The following ADGRL3 variants were observed in gnomAD, a reference collection of about 807,000 sequenced individuals.
The protein encoded by ADGRL3 is calcium-independent alpha-latrotoxin receptor 3.
A neutral mutation model predicts 153.5 loss-of-function variants in ADGRL3; 62 were observed. The observed-to-expected ratio is 0.40, with a 90% confidence interval of 0.33 to 0.50. The LOEUF is 0.50. Ranked by LOEUF, ADGRL3 falls within the 20% of genes least tolerant of loss-of-function variation. The pLI is 0.47. For missense variants in ADGRL3, 1,641 were observed against 1,859.4 expected, an observed-to-expected ratio of 0.88 and a Z score of 2.16; for synonymous variants, 710 against 672.5, an observed-to-expected ratio of 1.06 and a Z score of -0.86.
chr4:62,037,343 C>T (rs1560536894), intron 23 of ADGRL3, among the ~76,000 whole-genome samples: 2 of 152,004 alleles, frequency 1.3e-5, no homozygotes, highest in African/African-American at 4.8e-5. Context: ...AGGCTTCTAC[C>T]TAAAGAACAA....
At chr4:61,560,602 C>T (rs1343584897) in intron 4 of ADGRL3, among the ~76,000 whole-genome samples, 1 of 152,052 alleles carries the variant, frequency 6.6e-6, no homozygotes, top group Admixed American at 6.6e-5. Flanking sequence ...CACAGTCCTA[C>T]TACATCTGCC....
intron 1 of ADGRL3, among the ~76,000 whole-genome samples, chr4:61,369,618 T>C (rs1318350502): frequency 6.6e-6 from 1 of 152,204 alleles, no homozygotes; most frequent in Non-Finnish European, 1.5e-5. Flanking sequence ...GATGTGCTGC[T>C]GGATTCGGTT....
intron 1 of ADGRL3, among the ~76,000 whole-genome samples, chr4:61,335,604 C>T (rs1286537093): frequency 2.0e-5 from 3 of 151,906 alleles, no homozygotes; most frequent in African/African-American, 7.3e-5. Context: ...TTAGCCAGCA[C>T]AAAAAGGGAG....
At chr4:62,015,061 A>G (rs1560508349) in intron 21 of ADGRL3, among the ~76,000 whole-genome samples, 1 of 152,234 alleles carries the variant, frequency 6.6e-6, no homozygotes, top group Non-Finnish European at 1.5e-5. Context: ...AAAAGACTGT[A>G]TTAAATCATT....
chr4:61,494,495 G>T (rs1307124546), intron 2 of ADGRL3, among the ~76,000 whole-genome samples: 1 of 152,074 alleles, frequency 6.6e-6, no homozygotes, highest in Non-Finnish European at 1.5e-5. Context: ...GTTATTTTGT[G>T]CATGTTAAAT....
At chr4:61,406,295 T>C (rs2096995097) in intron 2 of ADGRL3, among the ~76,000 whole-genome samples, 1 of 151,976 alleles carries the variant, frequency 6.6e-6, no homozygotes, top group Admixed American at 6.6e-5. Context: ...TATTTGGCTG[T>C]AGTGTAGTGT....
In ADGRL3 at chr4:61,722,703, GA is replaced by G. The variant is rs1423734130; in HGVS notation, c.584-7917del. ...CTATATATGTCAACTGAAGCCCTTA[GA>G]AGATAGGTTTAAGATCTTTACTCAT... On this transcript the variant is annotated intron_variant, in intron 6 of 26. Coordinates refer to ENST00000683033, the MANE Select transcript of ADGRL3 (RefSeq NM_001387552.1). 4.6e-5 allele frequency among the ~76,000 whole-genome samples: 7 copies of G among 152,088 alleles called. 1 individual carries two copies. Among genetic ancestry groups the G allele is most frequent in the Non-Finnish European group, 1.0e-4 (7 of 68,024 alleles).
At chr4:61,955,848 C>G (rs1581622186) in intron 17 of ADGRL3, among the ~76,000 whole-genome samples, 1 of 152,054 alleles carries the variant, frequency 6.6e-6, no homozygotes, top group East Asian at 1.9e-4. Context: ...CATCCATGTC[C>G]CTGCAAAGGA....
chr4:61,257,610 G>A (rs1341096333), intron 1 of ADGRL3, among the ~76,000 whole-genome samples: 1 of 152,066 alleles, frequency 6.6e-6, no homozygotes, highest in African/African-American at 2.4e-5. Context: ...TATTAGTGCA[G>A]TTTTTAAAGA....
chr4:61,545,754 A>G (rs1422176994), intron 4 of ADGRL3, among the ~76,000 whole-genome samples: 3 of 152,098 alleles, frequency 2.0e-5, no homozygotes, highest in Non-Finnish European at 4.4e-5. Context: ...ACCTCAGGTG[A>G]TCTTCCTGCC....
chr4:61,300,455 G>C (rs943213647), intron 1 of ADGRL3, among the ~76,000 whole-genome samples: 1 of 152,164 alleles, frequency 6.6e-6, no homozygotes. Context: ...ATATCCTTTA[G>C]ATTGCTCTGC....
chr4:61,235,255 G>A (rs1026846124), intron 1 of ADGRL3, among the ~76,000 whole-genome samples: 2 of 152,130 alleles, frequency 1.3e-5, no homozygotes, highest in African/African-American at 4.8e-5. Flanking sequence ...TTAAATGAAA[G>A]TACTCAACTG....
At position 61,965,248 on chromosome 4, in the gene ADGRL3, C is replaced by T. The variant is rs565768353; in HGVS notation, c.2806-14315C>T. Among the ~76,000 whole-genome samples the T allele has an allele frequency of 3.4e-4, 52 of 152,140 alleles. No homozygotes were observed. In the South Asian group the frequency reaches 0.01, roughly 30 times the overall value. On this transcript the variant is annotated intron_variant, in intron 17 of 26. Coordinates refer to ENST00000683033, the MANE Select transcript of ADGRL3 (RefSeq NM_001387552.1). ...TCCTGGGCTCAAGCGATCCCCCCGC[C>T]ATTTCCTCCCAAAGTGCTAGGATTA... is the stretch of plus-strand genomic sequence containing the variant.
At chr4:62,049,851 C>T (rs1396513423) in intron 25 of ADGRL3, among the ~76,000 whole-genome samples, 1 of 152,018 alleles carries the variant, frequency 6.6e-6, no homozygotes, top group Non-Finnish European at 1.5e-5. Flanking sequence ...GTCTATGCAA[C>T]AGGTAAATAA....
rs555302599 is a variant in ADGRL3 at position 61,706,150 on chromosome 4, G to A, written c.584-24472G>A. Among the ~76,000 whole-genome samples the A allele has an allele frequency of 1.3e-4, 20 of 152,092 alleles. No individual in the cohort carries two copies. In the East Asian group the frequency reaches 2.3e-3, roughly 18 times the overall value. On this transcript the variant is annotated intron_variant, in intron 6 of 26. Coordinates refer to ENST00000683033, the MANE Select transcript of ADGRL3 (RefSeq NM_001387552.1). ...ATAAAAGGCTGTTCTGGCCAGGCGC[G>A]GTGGCTCACGCTTGTAATCCCAACA...
chr4:61,902,234 C>T (rs1027440118), intron 11 of ADGRL3, among the ~76,000 whole-genome samples: 12 of 152,008 alleles, frequency 7.9e-5, no homozygotes, highest in African/African-American at 2.9e-4. Context: ...ATGGTACCAC[C>T]GTGGAGTTAG....
chr4:61,335,841 T>C (rs761262853), intron 1 of ADGRL3, among the ~76,000 whole-genome samples: 6 of 152,208 alleles, frequency 3.9e-5, no homozygotes, highest in Non-Finnish European at 7.3e-5. Context: ...ATAAACTCTT[T>C]TCTTTAAATG....
chr4:61,307,330 T>C (rs2094825968), intron 1 of ADGRL3, among the ~76,000 whole-genome samples: 1 of 152,210 alleles, frequency 6.6e-6, no homozygotes. Context: ...AGATATTATG[T>C]CTAACCTTAT....
At chr4:61,724,782 T>C (rs2096297970) in intron 6 of ADGRL3, among the ~76,000 whole-genome samples, 1 of 152,220 alleles carries the variant, frequency 6.6e-6, no homozygotes, top group African/African-American at 2.4e-5. Context: ...TTTTTATTTC[T>C]ATTTACTGAA....
Sources: allele counts gnomAD v4.1 joint callset (sites outside exome capture counted in the v4.1 genomes callset), GRCh38; gene constraint gnomAD v4.1.1; transcripts MANE v1.5; gene names NCBI Gene and HGNC (gene_info 2026-07-23, HGNC 2026-07-21).